HIF1A: variants seen among roughly 807,000 people sequenced by gnomAD.
The protein encoded by HIF1A is hypoxia inducible factor 1 subunit alpha.
In HIF1A, 24 loss-of-function variants were observed where a neutral mutation model predicts 92.7. The ratio of observed to expected loss-of-function variants is 0.26; its 90% CI spans 0.19 to 0.36. The LOEUF (loss-of-function observed/expected upper bound fraction) is 0.36, where lower values mean the gene tolerates loss of function less well. Ranked by LOEUF, HIF1A falls within the 10% of genes least tolerant of loss-of-function variation. HIF1A has a pLI of 1.00. For synonymous variants in HIF1A, 319 were observed against 338.7 expected (o/e 0.94, Z 0.64); for missense variants, 799 against 998.5 (o/e 0.80, Z 2.69).
At chr14:61,717,075 G>C (rs543112198) in intron 1 of HIF1A, 1 of 152,284 alleles carries the variant, frequency 6.6e-6, no homozygotes, top group East Asian at 1.9e-4. Flanking sequence ...GACCTTATTT[G>C]CATGTGGAAA....
intron 1 of HIF1A, among the ~76,000 whole-genome samples, chr14:61,709,410 CATT>C (rs2044281495): frequency 6.6e-6 from 1 of 152,098 alleles, no homozygotes; most frequent in Non-Finnish European, 1.5e-5. Context: ...AAAATTTACA[CATT>C]ATGGCTATTT....
chr14:61,731,015 T>C (rs565339212), intron 6 of HIF1A, among the ~76,000 whole-genome samples: 7 of 152,308 alleles, frequency 4.6e-5, no homozygotes, highest in Non-Finnish European at 1.0e-4. Flanking sequence ...GAGTTGAGTT[T>C]GGTTTGGTTT....
In HIF1A at chr14:61,695,935, T is replaced by TGG. The variant is rs113439501; in HGVS notation, c.35+103_35+104dup. 2.3e-4 allele frequency: 262 copies of TGG among 1,134,970 alleles called. 3 individuals are homozygous for TGG. The African/African-American group carries it at 3.4e-3, about 15-fold the overall frequency. The allele number at this position is 1,134,970 out of a possible 1,614,324, so 70.3% of individuals were successfully genotyped here. ...GGGCCGGCCTCGGCGTTAATGGGAT[T>TGG]GGGGGGGGCAGCCTTTTTGTTTCTG... On this transcript the variant is annotated intron_variant, in intron 1 of 14. Coordinates refer to ENST00000337138, the MANE Select transcript of HIF1A (RefSeq NM_001530.4).
At chr14:61,733,146 A>G (rs2044596427) in intron 7 of HIF1A, among the ~76,000 whole-genome samples, 1 of 151,584 alleles carries the variant, frequency 6.6e-6, no homozygotes, top group Admixed American at 6.6e-5. Flanking sequence ...AGTGCAGTGG[A>G]GCAATCTCAG....
intron 4 of HIF1A, among the ~76,000 whole-genome samples, chr14:61,724,381 C>CTCTCTCTCTCTCTCTCT (rs71117849): frequency 1.4e-5 from 2 of 145,206 alleles, no homozygotes; most frequent in East Asian, 2.0e-4. Flanking sequence ...CTCTCTCTCT[C>CTCTCTCTCTCTCTCTCT]CCCCTCCCTC....
intron 1 of HIF1A, among the ~76,000 whole-genome samples, chr14:61,718,534 A>G (rs1238043561): frequency 6.6e-6 from 1 of 152,110 alleles, no homozygotes; most frequent in African/African-American, 2.4e-5. Context: ...TTATCATCAT[A>G]CTTGTTTTTT....
chr14:61,717,119 G>A (rs899531748), intron 1 of HIF1A: 1 of 152,166 alleles, frequency 6.6e-6, no homozygotes, highest in African/African-American at 2.4e-5. Context: ...ATCTTCTGTT[G>A]TGCAATGTAA....
At chr14:61,706,665 G>C (rs1406806332) in intron 1 of HIF1A, among the ~76,000 whole-genome samples, 1 of 152,110 alleles carries the variant, frequency 6.6e-6, no homozygotes, top group Admixed American at 6.5e-5. Flanking sequence ...TAAATCACCT[G>C]AGTGTCTAGT....
intron 4 of HIF1A, among the ~76,000 whole-genome samples, chr14:61,724,235 G>A (rs777418293): frequency 3.3e-5 from 5 of 151,650 alleles, no homozygotes; most frequent in Non-Finnish European, 7.4e-5. Context: ...TCAAAGGTCA[G>A]TATAATTCAA....
chr14:61,712,614 C>A (rs2044320685), intron 1 of HIF1A, among the ~76,000 whole-genome samples: 1 of 147,184 alleles, frequency 6.8e-6, no homozygotes, highest in Admixed American at 6.9e-5. Flanking sequence ...AAATGCATAT[C>A]CAGATAATTG....
At chr14:61,695,958 C>G in intron 1 of HIF1A, 119 bp downstream of exon 1, 1 of 883,042 alleles carries the variant, frequency 1.1e-6, no homozygotes, top group Non-Finnish European at 1.7e-6. Flanking sequence ...CTTTTTGTTT[C>G]TGCTGCTGCT....
At chr14:61,738,442 T>C in intron 10 of HIF1A, 69 bp downstream of exon 10, 1 of 1,357,092 alleles carries the variant, frequency 7.4e-7, no homozygotes, top group Non-Finnish European at 1.0e-6. Context: ...TATTTATAAG[T>C]TTGATTCAAA....
rs538291746 is a variant in HIF1A, at chr14:61,740,603, A to G, written c.1635A>G (p.Glu545=). The part of the protein sequence containing the change: ...LVEKLFAEDT[E]AKNPFSTQDT... ...AAAAACTTTTTGCTGAAGACACAGA[A>G]GCAAAGAACCCATTTTCTACTCAGG... is the stretch of plus-strand genomic sequence containing the variant. Residue 545 remains glutamate (E), a synonymous_variant, in exon 11 of 15, where the codon GAA becomes GAG. Coordinates refer to ENST00000337138, the MANE Select transcript of HIF1A (RefSeq NM_001530.4). 1 of 1,607,098 alleles carries G rather than the reference A, an allele frequency of 6.2e-7. No individual in the cohort carries two copies. Among genetic ancestry groups the G allele is most frequent in the African/African-American group, 1.3e-5 (1 of 74,546 alleles).
intron 14 of HIF1A, 42 bp from the exon 15 acceptor site, chr14:61,746,891 TG>T: frequency 7.0e-7 from 1 of 1,438,342 alleles, no homozygotes; most frequent in South Asian, 1.3e-5. Context: ...AAATATTCAT[TG>T]ACTAGATGAA....
At chr14:61,720,104 A>G (rs2044408909) in intron 1 of HIF1A, among the ~76,000 whole-genome samples, 1 of 152,186 alleles carries the variant, frequency 6.6e-6, no homozygotes, top group Admixed American at 6.5e-5. Context: ...CATTCTCTCC[A>G]ATTACATATG....
At chr14:61,743,926 A>G (rs2044744782) in intron 12 of HIF1A, among the ~76,000 whole-genome samples, 1 of 152,182 alleles carries the variant, frequency 6.6e-6, no homozygotes. Flanking sequence ...ACTTTGAGAA[A>G]GTTACCCAAT....
In HIF1A at chr14:61,707,769, G is replaced by A. The variant is rs542538618; in HGVS notation, c.35+11930G>A. Reference sequence around the variant, plus strand: ...GTGAATAGTGCCACAATAAACATACGTGTGCATGTGTCTTTATAGCAGCAT... The same window carrying A: ...GTGAATAGTGCCACAATAAACATACATGTGCATGTGTCTTTATAGCAGCAT... On this transcript the variant is annotated intron_variant, in intron 1 of 14. Coordinates refer to ENST00000337138, the MANE Select transcript of HIF1A (RefSeq NM_001530.4). 4.9e-3 allele frequency among the ~76,000 whole-genome samples: 737 copies of A among 150,788 alleles called. 4 individuals are homozygous for A. Among genetic ancestry groups the A allele is most frequent in the African/African-American group, 0.017 (689 of 40,930 alleles).
Position 61,726,511 on chromosome 14 carries a change from C to G in HIF1A, c.458-195C>G, listed in dbSNP as rs1433363807. 2.1e-5 allele frequency: 8 copies of G among 383,884 alleles called. No homozygotes were observed. In the East Asian group the frequency reaches 2.1e-4, roughly 10 times the overall value. 23.8% of individuals were successfully genotyped at this position (383,884 alleles called of 1,614,324 possible). A position where few individuals can be genotyped will look rare whatever the true frequency, so the allele number is the denominator to read the frequency against. The stretch of plus-strand genomic sequence containing the variant: ...TTATCTTTCAGCCAACTCAGGGAAT[C>G]ACAGCTACTGAGTAGTGTGTGTCAG... On this transcript the variant is annotated intron_variant, in intron 4 of 14. Coordinates refer to ENST00000337138, the MANE Select transcript of HIF1A (RefSeq NM_001530.4).
rs756343009 is a variant in HIF1A, at chr14:61,695,848, A to G, written c.35+9A>G. ...GCGAACGACAAGAAAAAGTAAGCCC[A>G]TTCCCTCGGCCCGCCGCCTTCTCCC... is the stretch of plus-strand genomic sequence containing the variant. On this transcript the variant is annotated intron_variant, in intron 1 of 14. Transcript: ENST00000337138. 70 of 1,575,426 alleles carry G rather than the reference A, an allele frequency of 4.4e-5. No homozygotes were observed. The highest frequency in any genetic ancestry group is 5.9e-5 in the Non-Finnish European group (69 of 1,161,362).
Sources: gnomAD v4.1 joint callset for allele counts (sites outside exome capture counted in the v4.1 genomes callset) on GRCh38, gnomAD v4.1.1 for gene constraint, MANE v1.5 for transcripts, NCBI Gene and HGNC (gene_info 2026-07-23, HGNC 2026-07-21) for gene names.